The following SMAP1 variants were observed in gnomAD, a reference collection of about 807,000 sequenced individuals.
SMAP1 encodes the protein stromal membrane-associated protein 1.
SMAP1 carries 24 observed loss-of-function variants against 58.5 expected under a neutral mutation model. That is an observed-to-expected ratio of 0.41 (90% CI 0.30 to 0.58). SMAP1 has a LOEUF of 0.58. Among genes scored for constraint, SMAP1 ranks in the 20% least tolerant of loss-of-function variants. The pLI is 0.29. For synonymous variants in SMAP1, 216 were observed against 196.6 expected, an observed-to-expected ratio of 1.10 and a Z score of -0.82; for missense variants, 563 against 566.3, an observed-to-expected ratio of 0.99 and a Z score of 0.06.
At chr6:70,725,472 G>C (rs952999134) in intron 1 of SMAP1, among the ~76,000 whole-genome samples, 1 of 152,014 alleles carries the variant, frequency 6.6e-6, no homozygotes, top group African/African-American at 2.4e-5. Flanking sequence ...CCATAGTATA[G>C]CTGACCATGA....
At chr6:70,710,225 G>A (rs1194441544) in intron 1 of SMAP1, among the ~76,000 whole-genome samples, 2 of 152,098 alleles carry the variant, frequency 1.3e-5, no homozygotes, top group Non-Finnish European at 2.9e-5. Flanking sequence ...GGGTGTGGTA[G>A]CTCACGCCTG....
intron 4 of SMAP1, among the ~76,000 whole-genome samples, chr6:70,773,702 G>T (rs984566784): frequency 2.0e-5 from 3 of 152,122 alleles, no homozygotes; most frequent in Non-Finnish European, 4.4e-5. Context: ...AATTGAAAAT[G>T]GTGGGAGAGA....
chr6:70,669,399 T>A (rs1766171552), intron 1 of SMAP1, among the ~76,000 whole-genome samples: 1 of 152,276 alleles, frequency 6.6e-6, no homozygotes, highest in South Asian at 2.1e-4. Context: ...TAACAGGTAC[T>A]GAATTACTAG....
chr6:70,752,103 AT>A (rs1766303333), intron 2 of SMAP1, among the ~76,000 whole-genome samples: 1 of 152,212 alleles, frequency 6.6e-6, no homozygotes, highest in Non-Finnish European at 1.5e-5. Context: ...CTAGATACTT[AT>A]TTTGACTAGC....
chr6:70,835,249 CT>C (rs1770528358), intron 6 of SMAP1, among the ~76,000 whole-genome samples: 2 of 95,428 alleles, frequency 2.1e-5, no homozygotes, highest in African/African-American at 8.4e-5. Context: ...GAGACTCCGT[CT>C]CAAAAAAAAA....
intron 1 of SMAP1, among the ~76,000 whole-genome samples, chr6:70,731,513 C>T (rs775946877): frequency 2.6e-5 from 4 of 152,216 alleles, no homozygotes; most frequent in Admixed American, 2.0e-4. Context: ...TACTATTGCT[C>T]TCCAAGCCCA....
chr6:70,851,730 C>G (rs1014784132), intron 7 of SMAP1, among the ~76,000 whole-genome samples: 8 of 152,112 alleles, frequency 5.3e-5, no homozygotes, highest in African/African-American at 1.9e-4. Context: ...ATAAAATAAA[C>G]CGGTTTTGAA....
chr6:70,740,233 C>T (rs941253526), intron 2 of SMAP1, among the ~76,000 whole-genome samples: 9 of 151,914 alleles, frequency 5.9e-5, no homozygotes, highest in African/African-American at 2.2e-4. Context: ...CTTCACATAC[C>T]TCCCTCTTCC....
chr6:70,778,057 T>TCC (rs1370003891), intron 4 of SMAP1, among the ~76,000 whole-genome samples: 4 of 152,224 alleles, frequency 2.6e-5, no homozygotes, highest in Admixed American at 1.3e-4. Context: ...CAGCTAAGTC[T>TCC]TTAATCTATT....
At chr6:70,712,195 G>A (rs1464420126) in intron 1 of SMAP1, among the ~76,000 whole-genome samples, 1 of 152,152 alleles carries the variant, frequency 6.6e-6, no homozygotes, top group Non-Finnish European at 1.5e-5. Flanking sequence ...ATGATCATGT[G>A]GCTTGTATCA....
Position 70,735,262 on chromosome 6 carries a change from A to G in SMAP1, c.252+2751A>G, listed in dbSNP as rs139007402. On this transcript the variant is annotated intron_variant, in intron 2 of 10. Transcript: ENST00000370455. Reference sequence around the variant, plus strand: ...GAAGATAGAGCATTTCTGTCACACTAGAAAGTTCCTTCATGCCAATTTCCA... The same window carrying G: ...GAAGATAGAGCATTTCTGTCACACTGGAAAGTTCCTTCATGCCAATTTCCA... Among the ~76,000 whole-genome samples, 368 of 152,312 alleles carry G rather than the reference A, an allele frequency of 2.4e-3. 1 individual carries two copies. The highest frequency in any genetic ancestry group is 8.2e-3 in the African/African-American group (340 of 41,570).
intron 1 of SMAP1, among the ~76,000 whole-genome samples, chr6:70,685,382 CCTTTA>C (rs1434914351): frequency 6.6e-6 from 1 of 151,666 alleles, no homozygotes; most frequent in East Asian, 1.9e-4. Flanking sequence ...CCCTGAGGAG[CCTTTA>C]CTTTAAAGAG....
rs138487735 is a variant in SMAP1, at chr6:70,741,249, C to T, written c.252+8738C>T. 3.6e-3 allele frequency among the ~76,000 whole-genome samples: 553 copies of T among 152,226 alleles called. 2 individuals are homozygous for T. The highest frequency in any genetic ancestry group is 0.013 in the African/African-American group (530 of 41,534). On this transcript the variant is annotated intron_variant, in intron 2 of 10. Coordinates refer to ENST00000370455, the MANE Select transcript of SMAP1 (RefSeq NM_001044305.3). Reference sequence around the variant, plus strand: ...AGTCTCATCCAAGACAAGGCAAGTCCCTTCCACCTATGAGCCTGTAAAATC... The same window carrying T: ...AGTCTCATCCAAGACAAGGCAAGTCTCTTCCACCTATGAGCCTGTAAAATC...
chr6:70,776,077 A>G (rs1238082351), intron 4 of SMAP1, among the ~76,000 whole-genome samples: 1 of 152,210 alleles, frequency 6.6e-6, no homozygotes, highest in Non-Finnish European at 1.5e-5. Context: ...ATCACAGTGG[A>G]GACAGGAACA....
At chr6:70,669,500 A>G (rs755537806) in intron 1 of SMAP1, among the ~76,000 whole-genome samples, 2 of 152,326 alleles carry the variant, frequency 1.3e-5, no homozygotes, top group African/African-American at 4.8e-5. Context: ...TATTTATCCT[A>G]TGTAACCTTT....
chr6:70,719,937 G>T (rs897090582), intron 1 of SMAP1, among the ~76,000 whole-genome samples: 22 of 152,062 alleles, frequency 1.4e-4, no homozygotes, highest in African/African-American at 5.3e-4. Flanking sequence ...ATATCATTCT[G>T]CCCCTGGTCA....
intron 1 of SMAP1, among the ~76,000 whole-genome samples, chr6:70,693,322 TAA>T (rs1767257841): frequency 1.7e-5 from 2 of 115,310 alleles, no homozygotes; most frequent in African/African-American, 7.1e-5. Flanking sequence ...TTTTTTTTTT[TAA>T]GACAGAGTCT....
intron 1 of SMAP1, among the ~76,000 whole-genome samples, chr6:70,715,131 T>C (rs1458160000): frequency 2.8e-5 from 4 of 142,002 alleles, no homozygotes; most frequent in Admixed American, 1.5e-4. Flanking sequence ...CATGGTCTTA[T>C]AGTGTTGCCC....
At chr6:70,690,047 T>C (rs1016572440) in intron 1 of SMAP1, among the ~76,000 whole-genome samples, 5 of 152,184 alleles carry the variant, frequency 3.3e-5, no homozygotes, top group Admixed American at 1.3e-4. Context: ...TTTATTTCCT[T>C]TTTCTTATTT....
Sources: gnomAD v4.1 joint callset for allele counts (sites outside exome capture counted in the v4.1 genomes callset) on GRCh38, gnomAD v4.1.1 for gene constraint, MANE v1.5 for transcripts, NCBI Gene and HGNC (gene_info 2026-07-23, HGNC 2026-07-21) for gene names.